ASS1: variants seen among roughly 807,000 people sequenced by gnomAD.
ASS1 encodes argininosuccinate synthase.
ASS1 carries 58 observed loss-of-function variants against 60.5 expected under a neutral mutation model. The observed-to-expected ratio is 0.96, with a 90% CI of 0.78 to 1.19. The LOEUF (loss-of-function observed/expected upper bound fraction) is 1.19. Among genes scored for constraint, ASS1 ranks in the 50% most tolerant of loss-of-function variants. The probability of loss-of-function intolerance (pLI) is 0.00; values close to 1 mark genes in which losing one functional copy is unlikely to be tolerated. For synonymous variants in ASS1, 200 were observed against 206.9 expected (o/e 0.97, Z 0.29); for missense variants, 454 against 547.3 (o/e 0.83, Z 1.70).
intron 7 of ASS1, 145 bp downstream of exon 7, chr9:130,471,049 G>T: frequency 1.1e-6 from 1 of 906,116 alleles, no homozygotes; most frequent in African/African-American, 1.6e-5. Context: ...GACAGAGGTC[G>T]AAGCGCCCGG....
chr9:130,488,689 G>C lies in ASS1; in HGVS notation c.839-644G>C, dbSNP rs1040313418. ...GCCTCCACGGCCAGGTGACTTACAG[G>C]GCAGCAGACAGCACTGGTGAGGGAC... On this transcript the variant is annotated intron_variant, in intron 11 of 14. Coordinates refer to ENST00000352480, the MANE Select transcript of ASS1 (RefSeq NM_054012.4). The surrounding 1 kb of genome is among the most constrained non-coding windows in gnomAD (Gnocchi z 5.2). Among the ~76,000 whole-genome samples, 1 of 152,204 alleles carries C rather than the reference G, an allele frequency of 6.6e-6. No homozygotes were observed. Among genetic ancestry groups the C allele is most frequent in the Non-Finnish European group, 1.5e-5 (1 of 68,032 alleles).
In ASS1 at chr9:130,489,219, C is replaced by T. The variant is rs911028092; in HGVS notation, c.839-114C>T. The T allele has an allele frequency of 6.9e-6, 10 of 1,449,894 alleles. No individual in the cohort carries two copies. Among genetic ancestry groups the T allele is most frequent in the Non-Finnish European group, 8.5e-6 (9 of 1,062,038 alleles). The allele number at this position is 1,449,894 out of a possible 1,614,324, so 89.8% of individuals were successfully genotyped here. A position where few individuals can be genotyped will look rare whatever the true frequency, so the allele number is the denominator to read the frequency against. On this transcript the variant is annotated intron_variant, in intron 11 of 14. Coordinates refer to ENST00000352480, the MANE Select transcript of ASS1 (RefSeq NM_054012.4). This position sits in a 1 kb window ranked among gnomAD's most constrained non-coding sequence, Gnocchi z 4.1. ...TGAATGGGTCCGGCCGGCTTGTCTCCTGTCAGACGACTCATTATTATTATT... is the reference window on the plus strand; with the variant it reads ...TGAATGGGTCCGGCCGGCTTGTCTCTTGTCAGACGACTCATTATTATTATT...
Position 130,488,959 on chromosome 9 carries a change from G to A in ASS1, c.839-374G>A, listed in dbSNP as rs1239584360. ...CTGGCTCCCTGGTGGAAGGGAAGAA[G>A]GGATATTTGGGGCTCTGGGCTCTAC... is the stretch of plus-strand genomic sequence containing the variant. On this transcript the variant is annotated intron_variant, in intron 11 of 14. Transcript: ENST00000352480. The surrounding 1 kb of genome is among the most constrained non-coding windows in gnomAD (Gnocchi z 5.2). Among the ~76,000 whole-genome samples, 2 of 152,212 alleles carry A rather than the reference G, an allele frequency of 1.3e-5. No individual in the cohort carries two copies. The highest frequency in any genetic ancestry group is 2.9e-5 in the Non-Finnish European group (2 of 68,044).
chr9:130,464,858 G>A (rs1845688716), intron 5 of ASS1, among the ~76,000 whole-genome samples: 2 of 151,852 alleles, frequency 1.3e-5, no homozygotes, highest in Non-Finnish European at 2.9e-5. Flanking sequence ...CCTTCATCCA[G>A]TGTCTACTGA....
rs1000197423 is a variant in ASS1, at chr9:130,488,007, G to A, written c.839-1326G>A. Among the ~76,000 whole-genome samples the A allele has an allele frequency of 2.2e-4, 34 of 151,948 alleles. No individual in the cohort carries two copies. The highest frequency in any genetic ancestry group is 6.3e-4 in the African/African-American group (26 of 41,366). ...TGACCTGAGGTGATCCACCTGCCTC[G>A]GCCTCCCAAAGTGCTAGAATTATTA... On this transcript the variant is annotated intron_variant, in intron 11 of 14. Transcript: ENST00000352480. This position sits in a 1 kb window ranked among gnomAD's most constrained non-coding sequence, Gnocchi z 5.2.
intron 13 of ASS1, among the ~76,000 whole-genome samples, chr9:130,496,985 T>C (rs979253850): frequency 3.9e-5 from 6 of 152,390 alleles, no homozygotes; most frequent in Non-Finnish European, 7.3e-5. Context: ...TTTCTTTCCC[T>C]TCTCCTTGCC....
chr9:130,496,749 T>C (rs867510620), intron 13 of ASS1, among the ~76,000 whole-genome samples: 8 of 152,172 alleles, frequency 5.3e-5, no homozygotes, highest in African/African-American at 1.2e-4. Context: ...TGGCCACTCC[T>C]GTGTCCGCCC....
rs1266252590 is a variant in ASS1 at position 130,456,313 on chromosome 9, A to G, written c.174+1940A>G. The stretch of plus-strand genomic sequence containing the variant: ...AAACCCTGTCTCTACTAAAAATACA[A>G]AAATTAGCTGGGCGCGATGGTGGGT... On this transcript the variant is annotated intron_variant, in intron 3 of 14. Coordinates refer to ENST00000352480, the MANE Select transcript of ASS1 (RefSeq NM_054012.4). Among the ~76,000 whole-genome samples, 5 of 152,160 alleles carry G rather than the reference A, an allele frequency of 3.3e-5. No individual in the cohort carries two copies. In the East Asian group the frequency reaches 9.7e-4, roughly 30 times the overall value.
chr9:130,474,582 GTCACCCCA>G (rs1845970066), intron 8 of ASS1, among the ~76,000 whole-genome samples: 1 of 152,200 alleles, frequency 6.6e-6, no homozygotes, highest in Non-Finnish European at 1.5e-5. Context: ...GAGTTGTGTG[GTCACCCCA>G]AGATCCAGTC....
chr9:130,497,040 G>A (rs1381983108), intron 13 of ASS1, among the ~76,000 whole-genome samples: 2 of 152,200 alleles, frequency 1.3e-5, no homozygotes, highest in African/African-American at 4.8e-5. Context: ...CACTTTATAA[G>A]CCATAAATAC....
intron 3 of ASS1, among the ~76,000 whole-genome samples, chr9:130,456,752 C>T (rs1845459322): frequency 6.6e-6 from 1 of 151,990 alleles, no homozygotes; most frequent in South Asian, 2.1e-4. Context: ...GAGTTTGAGA[C>T]CAGCCTGGCC....
chr9:130,482,451 A>G (rs560251632), intron 11 of ASS1, among the ~76,000 whole-genome samples: 1 of 151,810 alleles, frequency 6.6e-6, no homozygotes, highest in East Asian at 2.0e-4. Flanking sequence ...TTGACTCCAG[A>G]GGTATCTCAG....
At chr9:130,485,948 C>CT (rs1237353288) in intron 11 of ASS1, among the ~76,000 whole-genome samples, 6 of 152,098 alleles carry the variant, frequency 3.9e-5, no homozygotes, top group African/African-American at 1.4e-4. Context: ...TTTCTGGTGG[C>CT]TTTTTTGGCA....
intron 11 of ASS1, among the ~76,000 whole-genome samples, chr9:130,484,671 G>T (rs1846259269): frequency 6.6e-6 from 1 of 151,894 alleles, no homozygotes; most frequent in African/African-American, 2.4e-5. Context: ...TATGCCGACT[G>T]TCAAAAGCCC....
rs1021264488 is a variant in ASS1 at position 130,494,490 on chromosome 9, C to A, written c.971-377C>A. On this transcript the variant is annotated intron_variant, in intron 12 of 14. Coordinates refer to ENST00000352480, the MANE Select transcript of ASS1 (RefSeq NM_054012.4). The surrounding 1 kb of genome is among the most constrained non-coding windows in gnomAD (Gnocchi z 4.3). ...GAGTCCTGTCTGAGGTCTTCTGCCT[C>A]CCCCGGAGATTAGAGCCTCCATTGG... 6.6e-6 allele frequency among the ~76,000 whole-genome samples: 1 copy of A among 152,142 alleles called. No individual in the cohort carries two copies. The highest frequency in any genetic ancestry group is 1.5e-5 in the Non-Finnish European group (1 of 68,040).
intron 8 of ASS1, among the ~76,000 whole-genome samples, chr9:130,475,765 G>T (rs955864245): frequency 8.6e-5 from 12 of 140,298 alleles, no homozygotes; most frequent in South Asian, 2.3e-4. Context: ...TTTTTTTGGT[G>T]GGGGGGTGGG....
chr9:130,498,682 G>A (rs994816143), intron 13 of ASS1, among the ~76,000 whole-genome samples: 2 of 152,188 alleles, frequency 1.3e-5, no homozygotes, highest in Admixed American at 6.5e-5. Flanking sequence ...CCACCATCAC[G>A]CATTTCACAA....
At chr9:130,468,607 A>T (rs888178632) in intron 6 of ASS1, among the ~76,000 whole-genome samples, 53 of 151,860 alleles carry the variant, frequency 3.5e-4, no homozygotes, top group East Asian at 1.4e-3. Flanking sequence ...TTATTTATTT[A>T]TTTTTTTACA....
chr9:130,480,593 C>A, intron 11 of ASS1, 144 bp downstream of exon 11: 2 of 832,276 alleles, frequency 2.4e-6, no homozygotes, highest in Non-Finnish European at 2.0e-6. Flanking sequence ...CCCGTGAGAC[C>A]GCAGTTTCCC....
Sources: allele counts gnomAD v4.1 joint callset (sites outside exome capture counted in the v4.1 genomes callset), GRCh38; gene constraint gnomAD v4.1.1; non-coding constraint Gnocchi (gnomAD v3.1); transcripts MANE v1.5; gene names NCBI Gene and HGNC (gene_info 2026-07-23, HGNC 2026-07-21).